PROCR: variants seen among roughly 807,000 people sequenced by gnomAD.
The protein encoded by PROCR is protein C receptor.
Under a neutral mutation model 24.2 loss-of-function variants are expected in PROCR, and 22 were observed. The ratio of observed to expected loss-of-function variants is 0.91; its 90% CI spans 0.65 to 1.30. The LOEUF is 1.30. Among genes scored for constraint, PROCR ranks in the 50% most tolerant of loss-of-function variants. The pLI is 0.00. For missense variants in PROCR, 288 were observed against 307.7 expected (o/e 0.94, Z 0.48); for synonymous variants, 137 against 139.2 (o/e 0.98, Z 0.11).
chr20:35,180,827 T>C (rs2086071200), downstream of PROCR, among the ~76,000 whole-genome samples: 1 of 151,948 alleles, frequency 6.6e-6, no homozygotes, highest in Non-Finnish European at 1.5e-5. Flanking sequence ...AATTGTGTCA[T>C]TATTCCGTTT....
intron 1 of PROCR, among the ~76,000 whole-genome samples, chr20:35,206,052 T>C (rs1440919930): frequency 6.6e-6 from 1 of 151,304 alleles, no homozygotes; most frequent in Non-Finnish European, 1.5e-5. Flanking sequence ...ATTTTATTTT[T>C]GGTAGAGACA....
chr20:35,178,810 C>T (rs1190764236), downstream of PROCR, among the ~76,000 whole-genome samples: 2 of 149,884 alleles, frequency 1.3e-5, no homozygotes, highest in East Asian at 2.0e-4. Context: ...CCACCGCGCC[C>T]GGCCTAAGTC....
chr20:35,212,879 A>C (rs1464629812), intron 1 of PROCR, among the ~76,000 whole-genome samples: 1 of 152,320 alleles, frequency 6.6e-6, no homozygotes, highest in African/African-American at 2.4e-5. Context: ...TTCCAACAGT[A>C]TGGAGGAGTA....
At chr20:35,214,414 C>T (rs1298593858) in intron 1 of PROCR, among the ~76,000 whole-genome samples, 1 of 152,030 alleles carries the variant, frequency 6.6e-6, no homozygotes, top group Non-Finnish European at 1.5e-5. Flanking sequence ...GGGCCGGGCG[C>T]GGTGGCTCAC....
downstream of PROCR, among the ~76,000 whole-genome samples, chr20:35,179,560 A>G (rs544797308): frequency 1.6e-3 from 245 of 152,232 alleles, no homozygotes; most frequent in Non-Finnish European, 2.6e-3. Flanking sequence ...TAGTGTATGT[A>G]TAGTCAGTAA....
In PROCR at chr20:35,184,593, A is replaced by G. The variant is rs1600740254; in HGVS notation, c.94+8147A>G. ...CGGGCGCCTGTAGTCCCAGCCACTC[A>G]GAAGGCTGAGGCAGGAGAATGGCGT... On this transcript the variant is annotated intron_variant, in intron 1 of 1. Transcript: ENST00000634509. Among the ~76,000 whole-genome samples the G allele has an allele frequency of 2.0e-5, 3 of 152,272 alleles. No homozygotes were observed. The East Asian group carries it at 5.8e-4, about 29-fold the overall frequency.
At chr20:35,198,453 T>C (rs2103971) in intron 1 of PROCR, among the ~76,000 whole-genome samples, 58,468 of 152,030 alleles carry the variant, frequency 0.38, 12,491 homozygotes, top group East Asian at 0.64. Context: ...TCCCTAACTC[T>C]CTTTAATTTT....
intron 2 of PROCR, 61 bp from the exon 3 acceptor site, chr20:35,176,107 C>A: frequency 6.5e-7 from 1 of 1,547,932 alleles, no homozygotes; most frequent in Non-Finnish European, 8.9e-7. Flanking sequence ...CCTTGGTGGG[C>A]CTCGCCCCAC....
At chr20:35,185,234 A>G (rs770373481) in intron 1 of PROCR, among the ~76,000 whole-genome samples, 11 of 152,196 alleles carry the variant, frequency 7.2e-5, no homozygotes, top group Non-Finnish European at 1.5e-4. Flanking sequence ...ATAAAATAAT[A>G]GTAGACGTTG....
chr20:35,176,881 G>A lies in PROCR; in HGVS notation c.*68G>A, dbSNP rs2086025859. On this transcript the variant is annotated 3_prime_UTR_variant, in exon 4 of 4. Transcript: ENST00000216968. ...TGGCAAGGGAAAGTTTCAGCTCACTGTGAAGCCAGACTCCCCAACTGAAAC... is the reference window on the plus strand; with the variant it reads ...TGGCAAGGGAAAGTTTCAGCTCACTATGAAGCCAGACTCCCCAACTGAAAC... The A allele has an allele frequency of 6.3e-7, 1 of 1,576,008 alleles. No homozygotes were observed. Among genetic ancestry groups the A allele is most frequent in the Non-Finnish European group, 8.6e-7 (1 of 1,159,478 alleles).
At chr20:35,205,765 A>ATT (rs1421880544) in intron 1 of PROCR, among the ~76,000 whole-genome samples, 1 of 45,240 alleles carries the variant, frequency 2.2e-5, no homozygotes, top group African/African-American at 5.9e-5. Context: ...ATATATATAT[A>ATT]TATATATATA....
intron 1 of PROCR, among the ~76,000 whole-genome samples, chr20:35,172,996 T>A (rs2146140181): frequency 6.6e-6 from 1 of 152,288 alleles, no homozygotes; most frequent in East Asian, 1.9e-4. Context: ...CTCCATTTTA[T>A]GAGGAGGAAA....
In PROCR at chr20:35,176,217, C is replaced by T. The variant is rs1600734842; in HGVS notation, c.372C>T (p.Gly124=). 1 of 1,614,048 alleles carries T rather than the reference C, an allele frequency of 6.2e-7. No individual in the cohort carries two copies. The highest frequency in any genetic ancestry group is 2.2e-5 in the East Asian group (1 of 44,872). The change falls in exon 3 of 4, where the codon GGC becomes GGT. Residue 124 remains glycine, a synonymous_variant. Transcript: ENST00000216968. ...CFLGCELPPE[G]SRAHVFFEVA... is the part of the protein sequence containing the mutation. ...TGGGCTGTGAGCTGCCTCCCGAGGG[C>T]TCTAGAGCCCATGTCTTCTTCGAAG...
At chr20:35,178,996 C>T (rs528416077), downstream of PROCR, among the ~76,000 whole-genome samples, 9 of 150,538 alleles carry the variant, frequency 6.0e-5, no homozygotes, top group African/African-American at 1.9e-4. Context: ...CTTTGGGAGG[C>T]CGAGGCGGGC....
intron 1 of PROCR, chr20:35,201,830 C>T (rs1011103567): frequency 6.6e-6 from 1 of 151,972 alleles, no homozygotes; most frequent in Non-Finnish European, 1.5e-5. Context: ...AGGGAAATTA[C>T]ATAATGATAA....
At chr20:35,212,593 C>T (rs183664310) in intron 1 of PROCR, among the ~76,000 whole-genome samples, 83 of 152,312 alleles carry the variant, frequency 5.4e-4, no homozygotes, top group African/African-American at 1.9e-3. Context: ...TACACAGCCA[C>T]ACCATTTTCA....
At chr20:35,175,014 G>A (rs2085996564) in intron 2 of PROCR, 61 bp downstream of exon 2, 2 of 1,252,516 alleles carry the variant, frequency 1.6e-6, no homozygotes, top group Non-Finnish European at 2.1e-6. Flanking sequence ...GGGCCTGGCG[G>A]GTGGGGGCGG....
chr20:35,196,768 C>T (rs1280051146), intron 1 of PROCR, among the ~76,000 whole-genome samples: 1 of 152,070 alleles, frequency 6.6e-6, no homozygotes, highest in African/African-American at 2.4e-5. Flanking sequence ...CTTGGAACTA[C>T]AGAAATGAAG....
intron 1 of PROCR, among the ~76,000 whole-genome samples, chr20:35,187,678 T>G (rs2086139715): frequency 6.6e-6 from 1 of 152,250 alleles, no homozygotes; most frequent in Non-Finnish European, 1.5e-5. Flanking sequence ...CAGGAGTTTC[T>G]ACACAGGGTG....
Sources: gnomAD v4.1 joint callset for allele counts (sites outside exome capture counted in the v4.1 genomes callset) on GRCh38, gnomAD v4.1.1 for gene constraint, MANE v1.5 for transcripts, NCBI Gene and HGNC (gene_info 2026-07-23, HGNC 2026-07-21) for gene names.